Variants in FBXO25 observed in about 807,000 individuals in gnomAD.
FBXO25 encodes the protein F-box only protein 25.
In FBXO25, 45 loss-of-function variants were observed where a neutral mutation model predicts 51.9. The observed-to-expected ratio is 0.87, with a 90% CI of 0.68 to 1.11. FBXO25 has a LOEUF of 1.11. Ranked by LOEUF, FBXO25 falls within the 50% of genes most tolerant of loss-of-function variation. The pLI, the probability that FBXO25 is intolerant of heterozygous loss-of-function variation, is 0.00. For missense variants in FBXO25, 507 were observed against 428.5 expected, an observed-to-expected ratio of 1.18 and a Z score of -1.62; for synonymous variants, 199 against 151.0, an observed-to-expected ratio of 1.32 and a Z score of -2.33.
intron 1 of FBXO25, among the ~76,000 whole-genome samples, chr8:410,742 A>G (rs1464876039): frequency 1.3e-5 from 2 of 152,228 alleles, no homozygotes; most frequent in African/African-American, 4.8e-5. Flanking sequence ...GACAAAGTTT[A>G]TCAAAATTGT....
At chr8:421,185 G>A (rs891784110) in intron 2 of FBXO25, among the ~76,000 whole-genome samples, 1 of 152,200 alleles carries the variant, frequency 6.6e-6, no homozygotes, top group Admixed American at 6.5e-5. Flanking sequence ...CTGTGTATGT[G>A]AATGATCTAG....
At position 476,008 on chromosome 8, in the gene FBXO25, G is replaced by C. The variant is rs550707798; in HGVS notation, c.*7204G>C. On this transcript the variant is annotated 3_prime_UTR_variant, in exon 10 of 10. Transcript: ENST00000350302. ...AGTCTTATTGAATATGATGTTTACA[G>C]TGGGATGTTCATATGGCCTCTATTT... The C allele has an allele frequency of 2.0e-5, 3 of 152,136 alleles. No homozygotes were observed. Among genetic ancestry groups the C allele is most frequent in the Non-Finnish European group, 4.4e-5 (3 of 68,008 alleles). 9.4% of individuals were successfully genotyped at this position (152,136 alleles called of 1,614,324 possible).
chr8:408,238 CT>C (rs1796281769), intron 1 of FBXO25, among the ~76,000 whole-genome samples: 1 of 151,734 alleles, frequency 6.6e-6, no homozygotes, highest in Non-Finnish European at 1.5e-5. Context: ...TTGGAGTTTT[CT>C]TTCCTGTGTT....
intron 4 of FBXO25, among the ~76,000 whole-genome samples, chr8:435,212 C>G (rs1166518171): frequency 6.6e-6 from 1 of 152,116 alleles, no homozygotes. Context: ...ATTTGTAACA[C>G]CTACATCCTT....
intron 8 of FBXO25, among the ~76,000 whole-genome samples, chr8:458,782 C>G (rs1381034754): frequency 1.3e-5 from 2 of 152,206 alleles, no homozygotes; most frequent in Admixed American, 6.5e-5. Context: ...CAAAACTGAA[C>G]AGCAAAGCAA....
intron 5 of FBXO25, among the ~76,000 whole-genome samples, chr8:449,721 G>A (rs1466038904): frequency 6.6e-6 from 1 of 152,194 alleles, no homozygotes; most frequent in Non-Finnish European, 1.5e-5. Flanking sequence ...TGGGCTCCGG[G>A]AGGAGATATG....
intron 2 of FBXO25, among the ~76,000 whole-genome samples, chr8:423,776 T>C (rs183407912): frequency 6.6e-6 from 1 of 152,352 alleles, no homozygotes; most frequent in East Asian, 1.9e-4. Context: ...GTCTTTTTGG[T>C]AGAATGATTT....
chr8:432,178 G>T (rs527500227), intron 3 of FBXO25, among the ~76,000 whole-genome samples: 31 of 152,270 alleles, frequency 2.0e-4, no homozygotes, highest in African/African-American at 7.2e-4. Context: ...CAAGCACTGT[G>T]ATATCTCAAC....
intron 7 of FBXO25, among the ~76,000 whole-genome samples, chr8:453,685 C>G (rs190048699): frequency 1.3e-5 from 2 of 152,266 alleles, no homozygotes; most frequent in East Asian, 3.9e-4. Flanking sequence ...AACAGAGCAG[C>G]TGAGAGCCTT....
rs1800489377 is a variant in FBXO25, at chr8:471,642, C to T, written c.*2838C>T. Reference sequence around the variant, plus strand: ...GGACCTGTTCTCAGTCTGCGCTGCTCACTCAGGGCTGGTGTCTCTTGACAC... The same window carrying T: ...GGACCTGTTCTCAGTCTGCGCTGCTTACTCAGGGCTGGTGTCTCTTGACAC... On this transcript the variant is annotated 3_prime_UTR_variant, in exon 10 of 10. Coordinates refer to ENST00000350302, the MANE Select transcript of FBXO25 (RefSeq NM_183420.2). The T allele has an allele frequency of 6.6e-6, 1 of 152,198 alleles. No individual in the cohort carries two copies. Among genetic ancestry groups the T allele is most frequent in the Non-Finnish European group, 1.5e-5 (1 of 68,048 alleles). The allele number at this position is 152,198 out of a possible 1,614,324, so 9.4% of individuals were successfully genotyped here.
intron 1 of FBXO25, among the ~76,000 whole-genome samples, chr8:410,246 A>G (rs1340143778): frequency 6.6e-6 from 1 of 152,162 alleles, no homozygotes; most frequent in East Asian, 1.9e-4. Context: ...ACTTTATTAT[A>G]TTACACTTGT....
In FBXO25 at chr8:449,861, G is replaced by C. The variant is rs113312764; in HGVS notation, c.382-129G>C. 5.1e-3 allele frequency: 3,497 copies of C among 679,224 alleles called. 81 individuals carry two copies. The African/African-American group carries it at 0.058, about 11-fold the overall frequency. The allele number at this position is 679,224 out of a possible 1,614,324, so 42.1% of individuals were successfully genotyped here. A position where few individuals can be genotyped will look rare whatever the true frequency, so the allele number is the denominator to read the frequency against. The stretch of plus-strand genomic sequence containing the variant: ...GTGACTGTTTCCTATACTTGGACTC[G>C]GACTGATACAGTGACTTAATTTAGG... On this transcript the variant is annotated intron_variant, in intron 5 of 9. Transcript: ENST00000350302.
At chr8:457,864 C>T (rs886400343) in intron 7 of FBXO25, among the ~76,000 whole-genome samples, 3 of 152,228 alleles carry the variant, frequency 2.0e-5, no homozygotes, top group Admixed American at 6.5e-5. Context: ...GCTTTGCAGA[C>T]GATGTGGTCA....
chr8:450,910 G>A (rs578248157), intron 6 of FBXO25: 2 of 204,974 alleles, frequency 9.8e-6, no homozygotes, highest in South Asian at 2.1e-4. Context: ...TAAACACTGA[G>A]TCCCCATTCC....
At chr8:433,748 G>A (rs1212313811) in intron 4 of FBXO25, among the ~76,000 whole-genome samples, 3 of 152,182 alleles carry the variant, frequency 2.0e-5, no homozygotes, top group African/African-American at 7.2e-5. Context: ...TGTTATTTCA[G>A]GGTAAGTTAA....
chr8:434,090 G>A (rs1445107515), intron 4 of FBXO25, among the ~76,000 whole-genome samples: 3 of 152,192 alleles, frequency 2.0e-5, no homozygotes, highest in African/African-American at 7.2e-5. Flanking sequence ...ATGCTCCCTG[G>A]AATGCTAGGA....
intron 2 of FBXO25, among the ~76,000 whole-genome samples, chr8:422,804 G>C (rs535075937): frequency 7.9e-5 from 12 of 152,182 alleles, no homozygotes; most frequent in Non-Finnish European, 1.6e-4. Flanking sequence ...AGTTCCCAAG[G>C]AGAGGCAGAG....
chr8:444,385 G>A (rs1798612067), intron 5 of FBXO25, among the ~76,000 whole-genome samples: 1 of 152,162 alleles, frequency 6.6e-6, no homozygotes, highest in Non-Finnish European at 1.5e-5. Context: ...GGGTGTTCAG[G>A]AGTGGACCTC....
chr8:422,108 C>CT (rs976984617), intron 2 of FBXO25, among the ~76,000 whole-genome samples: 58 of 152,274 alleles, frequency 3.8e-4, no homozygotes, highest in African/African-American at 1.4e-3. Context: ...AAGGTGAAAT[C>CT]TAACAGGTAA....
Sources: allele counts gnomAD v4.1 joint callset (sites outside exome capture counted in the v4.1 genomes callset), GRCh38; gene constraint gnomAD v4.1.1; transcripts MANE v1.5; gene names NCBI Gene and HGNC (gene_info 2026-07-23, HGNC 2026-07-21).